Variants in CFAP91 observed in about 807,000 individuals in gnomAD.
CFAP91 encodes cilia and flagella associated protein 91.
A neutral mutation model predicts 95.9 loss-of-function variants in CFAP91; 85 were observed. That is an observed-to-expected ratio of 0.89 (90% CI 0.74 to 1.06). CFAP91 has a LOEUF of 1.06. Ranked by LOEUF, CFAP91 falls within the 50% of genes least tolerant of loss-of-function variation. The pLI is 0.00. For synonymous variants in CFAP91, 335 were observed against 327.5 expected (o/e 1.02, Z -0.25); for missense variants, 962 against 943.4 (o/e 1.02, Z -0.26).
intron 6 of CFAP91, among the ~76,000 whole-genome samples, chr3:119,722,422 GCA>G (rs1434590361): frequency 2.0e-5 from 3 of 151,946 alleles, no homozygotes; most frequent in African/African-American, 7.3e-5. Flanking sequence ...TTGCATCACT[GCA>G]CTCCAGCCTA....
At chr3:119,733,046 T>G (rs769654452) in intron 9 of CFAP91, among the ~76,000 whole-genome samples, 1 of 152,202 alleles carries the variant, frequency 6.6e-6, no homozygotes, top group Non-Finnish European at 1.5e-5. Flanking sequence ...AACGTCTACT[T>G]TAGAAGGGTG....
chr3:119,720,539 A>T lies in CFAP91; in HGVS notation c.682+4796A>T, dbSNP rs115961013. The stretch of plus-strand genomic sequence containing the variant: ...ATTGACCTGGTAAAAAGAAAAAAAA[A>T]TTCTTTTAAGAGCACCAGGCCTAAA... On this transcript the variant is annotated intron_variant, in intron 6 of 17. Coordinates refer to ENST00000273390, the MANE Select transcript of CFAP91 (RefSeq NM_033364.4). Among the ~76,000 whole-genome samples the T allele has an allele frequency of 7.4e-3, 1,124 of 152,320 alleles. 8 individuals carry two copies. The highest frequency in any genetic ancestry group is 0.037 in the Middle Eastern group (11 of 294).
intron 17 of CFAP91, among the ~76,000 whole-genome samples, chr3:119,755,771 A>G (rs1357210708): frequency 6.6e-6 from 1 of 152,250 alleles, no homozygotes; most frequent in Non-Finnish European, 1.5e-5. Flanking sequence ...AACTGGACAT[A>G]ATAAAAATGA....
chr3:119,740,666 C>T lies in CFAP91; in HGVS notation c.1651C>T (p.Gln551Ter). 2 of 1,614,166 alleles carry T rather than the reference C, an allele frequency of 1.2e-6. No homozygotes were observed. Among genetic ancestry groups the T allele is most frequent in the Non-Finnish European group, 1.7e-6 (2 of 1,180,022 alleles). Residue 551 changes from glutamine (Q) to a stop codon, truncating the protein, a stop_gained, in exon 13 of 18, where the codon CAG (glutamine) becomes TAG (stop). Coordinates refer to ENST00000273390, the MANE Select transcript of CFAP91 (RefSeq NM_033364.4). LOFTEE classifies it high-confidence loss of function. Reference sequence around the variant, plus strand: ...CGAGAAGCAAGTGACCCTGGCCTTACAGCGGCAGAGGAACTTGCATGAGCA... The same window carrying T: ...CGAGAAGCAAGTGACCCTGGCCTTATAGCGGCAGAGGAACTTGCATGAGCA... ...KAEKQVTLALQRQRNLHEHKV... is the reference protein window; with the variant it reads ...KAEKQVTLAL
intron 10 of CFAP91, among the ~76,000 whole-genome samples, chr3:119,734,360 C>A (rs1344429537): frequency 6.6e-6 from 1 of 152,114 alleles, no homozygotes; most frequent in African/African-American, 2.4e-5. Context: ...TCTTTCCCAC[C>A]TCATCCCCAC....
In CFAP91 at chr3:119,750,941, G is replaced by A. The variant is rs765612078; in HGVS notation, c.2148G>A (p.Arg716=). 1 of 1,613,878 alleles carries A rather than the reference G, an allele frequency of 6.2e-7. No individual in the cohort carries two copies. The highest frequency in any genetic ancestry group is 1.3e-5 in the African/African-American group (1 of 75,026). The change falls in exon 17 of 18, where the codon AGG becomes AGA. Residue 716 remains arginine (R), a synonymous_variant. Coordinates refer to ENST00000273390, the MANE Select transcript of CFAP91 (RefSeq NM_033364.4). The stretch of plus-strand genomic sequence containing the variant: ...TTTTCTATTACTTTGGCACAGTGAG[G>A]AACGCACAGCGGAAACATATTCTTG... ...VQKYFVKEKV[R]NAQRKHILAA... is the part of the protein sequence containing the mutation.
intron 17 of CFAP91, among the ~76,000 whole-genome samples, chr3:119,753,131 G>T (rs555282030): frequency 1.3e-5 from 2 of 152,298 alleles, no homozygotes; most frequent in East Asian, 3.9e-4. Context: ...TCTAGGAGAA[G>T]ATAGAAATTT....
At chr3:119,732,664 C>T (rs1166469717) in intron 9 of CFAP91, among the ~76,000 whole-genome samples, 188 bp downstream of exon 9, 1 of 152,154 alleles carries the variant, frequency 6.6e-6, no homozygotes, top group African/African-American at 2.4e-5. Context: ...TAGAACAGTT[C>T]AGCAAGGACC....
chr3:119,747,736 A>G (rs2054251121), intron 15 of CFAP91, 75 bp from the exon 16 acceptor site: 1 of 1,226,796 alleles, frequency 8.2e-7, no homozygotes, highest in South Asian at 1.3e-5. Context: ...AGTTGCTTAC[A>G]CAGCAGGAAA....
chr3:119,747,096 G>A lies in CFAP91; in HGVS notation c.1903-19G>A. On this transcript the variant is annotated intron_variant, in intron 14 of 17. Transcript: ENST00000273390. ...CAACAGCATACCTGTTTTAGTGAGG[G>A]TATTATTGTTTTTTGCAGGTGGTTA... The A allele has an allele frequency of 6.5e-7, 1 of 1,544,418 alleles. No individual in the cohort carries two copies. Among genetic ancestry groups the A allele is most frequent in the Non-Finnish European group, 8.7e-7 (1 of 1,144,172 alleles).
chr3:119,715,621 C>G lies in CFAP91; in HGVS notation c.560C>G (p.Ser187Cys), dbSNP rs2053559570. Residue 187 changes from serine (S) to cysteine (C), a missense_variant, in exon 6 of 18, where the codon TCT becomes TGT. By Grantham distance (112) the Ser-to-Cys change is moderately radical. Transcript: ENST00000273390. The part of the protein sequence containing the change: ...STKHLSIPSK[S>C]TVGTQTDYRD... ...AAGCACCTATCCATCCCTTCAAAGT[C>G]TACTGTGGGCACTCAGACTGATTAT... 1 of 1,613,712 alleles carries G rather than the reference C, an allele frequency of 6.2e-7. No individual in the cohort carries two copies.
intron 17 of CFAP91, among the ~76,000 whole-genome samples, chr3:119,751,632 G>C (rs1377019359): frequency 1.3e-5 from 2 of 152,200 alleles, no homozygotes; most frequent in Non-Finnish European, 2.9e-5. Flanking sequence ...ACAGGAAACA[G>C]CTTCCAGCAA....
rs1291648140 is a variant in CFAP91 at position 119,726,229 on chromosome 3, G to C, written c.741G>C (p.Lys247Asn). Reference sequence around the variant, plus strand: ...AGATGATAGAAAGAGCCCGCGAGAAGCGTGCTTGGGAAGCCTCTCTCCCCG... The same window carrying C: ...AGATGATAGAAAGAGCCCGCGAGAACCGTGCTTGGGAAGCCTCTCTCCCCG... ...EVEMIERARE[K>N]RAWEASLPAL... The change falls in exon 7 of 18, where the codon AAG becomes AAC. Residue 247 changes from lysine to asparagine, a missense_variant. Lys to Asn is a moderately conservative substitution (Grantham distance 94, BLOSUM62 0). Coordinates refer to ENST00000273390, the MANE Select transcript of CFAP91 (RefSeq NM_033364.4). The C allele has an allele frequency of 6.2e-7, 1 of 1,613,794 alleles. No individual in the cohort carries two copies. Among genetic ancestry groups the C allele is most frequent in the East Asian group, 2.2e-5 (1 of 44,874 alleles).
chr3:119,730,312 G>T lies in CFAP91; in HGVS notation c.953G>T (p.Arg318Leu), dbSNP rs61742290. 1.2e-6 allele frequency: 2 copies of T among 1,614,092 alleles called. No individual in the cohort carries two copies. The highest frequency in any genetic ancestry group is 4.5e-5 in the East Asian group (2 of 44,890). The stretch of plus-strand genomic sequence containing the variant: ...GTGAATATGAAGCACTTGAATGCCC[G>T]GTGGTCTAAACTGCAGGAGGGAAAA... ...NEVNMKHLNA[R>L]WSKLQEGKEA... is the part of the protein sequence containing the mutation. The change falls in exon 8 of 18, where the codon CGG becomes CTG. Residue 318 changes from arginine to leucine, a missense_variant. Coordinates refer to ENST00000273390, the MANE Select transcript of CFAP91 (RefSeq NM_033364.4).
At chr3:119,706,601 A>G (rs1473561301) in intron 1 of CFAP91, 2 of 514,798 alleles carry the variant, frequency 3.9e-6, no homozygotes, top group African/African-American at 3.9e-5. Context: ...ATACTCAGAA[A>G]AGAAAAACAT....
intron 1 of CFAP91, 116 bp downstream of exon 1, chr3:119,703,338 C>G: frequency 1.4e-6 from 2 of 1,479,738 alleles, no homozygotes; most frequent in Non-Finnish European, 1.8e-6. Context: ...CTGGACTGAC[C>G]TCTTGCCCAC....
intron 10 of CFAP91, among the ~76,000 whole-genome samples, chr3:119,733,852 G>A (rs931741294): frequency 7.9e-5 from 12 of 152,090 alleles, no homozygotes; most frequent in African/African-American, 2.4e-4. Flanking sequence ...TCTCCCTTTT[G>A]TGTTCATGTG....
chr3:119,720,566 A>G (rs912368196), intron 6 of CFAP91, among the ~76,000 whole-genome samples: 2 of 152,242 alleles, frequency 1.3e-5, no homozygotes, highest in Non-Finnish European at 1.5e-5. Flanking sequence ...AGGCCTAAAC[A>G]GTTTTACAGG....
intron 17 of CFAP91, among the ~76,000 whole-genome samples, chr3:119,761,648 TG>T (rs1316211030): frequency 6.6e-6 from 1 of 151,880 alleles, no homozygotes; most frequent in Admixed American, 6.6e-5. Context: ...TATGATCAAG[TG>T]GGATTCATCC....
Sources: allele counts gnomAD v4.1 joint callset (sites outside exome capture counted in the v4.1 genomes callset), GRCh38; gene constraint gnomAD v4.1.1; transcripts MANE v1.5; gene names NCBI Gene and HGNC (gene_info 2026-07-23, HGNC 2026-07-21).